The following FSTL5 variants were observed in gnomAD, a reference collection of about 807,000 sequenced individuals.
FSTL5 encodes the protein follistatin like 5, also known as follistatin-related protein 5.
A neutral mutation model predicts 89.1 loss-of-function variants in FSTL5; 62 were observed. That is an observed-to-expected ratio of 0.70 (90% CI 0.57 to 0.86). The LOEUF (loss-of-function observed/expected upper bound fraction) is 0.86. FSTL5 is among the 40% of genes least tolerant of loss of function. The pLI is 0.00. For missense variants in FSTL5, 1,057 were observed against 1,001.6 expected, an observed-to-expected ratio of 1.06 and a Z score of -0.75; for synonymous variants, 383 against 346.2, an observed-to-expected ratio of 1.11 and a Z score of -1.18.
At chr4:161,998,857 A>ACAAC (rs1399304908) in intron 3 of FSTL5, among the ~76,000 whole-genome samples, 1 of 146,474 alleles carries the variant, frequency 6.8e-6, no homozygotes, top group Non-Finnish European at 1.5e-5. Context: ...ACACACACAC[A>ACAAC]ACACACACAC....
intron 4 of FSTL5, among the ~76,000 whole-genome samples, chr4:161,808,679 A>G (rs1730047855): frequency 6.6e-6 from 1 of 152,164 alleles, no homozygotes. Flanking sequence ...ACTGTTCACC[A>G]AAGGACACAA....
Position 161,558,529 on chromosome 4 carries a change from C to T in FSTL5, c.1016-15836G>A, listed in dbSNP as rs1732474709. Among the ~76,000 whole-genome samples, 3 of 149,034 alleles carry T rather than the reference C, an allele frequency of 2.0e-5. No homozygotes were observed. In the South Asian group the frequency reaches 6.3e-4, roughly 31 times the overall value. On this transcript the variant is annotated intron_variant, in intron 8 of 15. Transcript: ENST00000306100. Reference sequence around the variant, plus strand: ...GAGTAGCTCAAAGAAAAATGCCACCCCACTGGAACTCTCAAAATGTTACTC... The same window carrying T: ...GAGTAGCTCAAAGAAAAATGCCACCTCACTGGAACTCTCAAAATGTTACTC...
At chr4:161,467,205 T>C (rs866135681) in intron 13 of FSTL5, among the ~76,000 whole-genome samples, 9 of 152,272 alleles carry the variant, frequency 5.9e-5, no homozygotes, top group South Asian at 2.1e-4. Flanking sequence ...CTATGTATAA[T>C]GTATACCACT....
At chr4:162,028,306 G>A (rs1238270250) in intron 3 of FSTL5, among the ~76,000 whole-genome samples, 1 of 152,142 alleles carries the variant, frequency 6.6e-6, no homozygotes, top group Non-Finnish European at 1.5e-5. Context: ...GCCAGGTGAG[G>A]TGGCTCATGC....
chr4:161,763,615 G>C (rs892631654), intron 5 of FSTL5, among the ~76,000 whole-genome samples: 4 of 152,152 alleles, frequency 2.6e-5, no homozygotes, highest in African/African-American at 9.7e-5. Flanking sequence ...AGACAGGCAA[G>C]AAATAGCAAT....
chr4:161,775,283 T>G (rs904705740), intron 5 of FSTL5, among the ~76,000 whole-genome samples: 1 of 152,148 alleles, frequency 6.6e-6, no homozygotes, highest in Non-Finnish European at 1.5e-5. Context: ...ATTTTTCTGC[T>G]GCCTAATTGG....
At chr4:161,566,379 C>T (rs539732153) in intron 8 of FSTL5, among the ~76,000 whole-genome samples, 3 of 151,802 alleles carry the variant, frequency 2.0e-5, no homozygotes, top group Non-Finnish European at 4.4e-5. Flanking sequence ...TAGATTGATT[C>T]CACATCTTTA....
intron 6 of FSTL5, among the ~76,000 whole-genome samples, chr4:161,691,873 C>A (rs1304971046): frequency 6.6e-6 from 1 of 151,966 alleles, no homozygotes; most frequent in African/African-American, 2.4e-5. Flanking sequence ...TTTTATCCTG[C>A]ATCTATGCTG....
intron 4 of FSTL5, among the ~76,000 whole-genome samples, chr4:161,792,612 G>A (rs1029522906): frequency 1.9e-4 from 29 of 152,112 alleles, no homozygotes; most frequent in Admixed American, 3.9e-4. Context: ...AGCCAAATGT[G>A]AGAAGATGAA....
At chr4:161,791,913 G>T (rs574455804) in intron 4 of FSTL5, among the ~76,000 whole-genome samples, 1 of 152,300 alleles carries the variant, frequency 6.6e-6, no homozygotes, top group South Asian at 2.1e-4. Flanking sequence ...GTGAGGCCGG[G>T]GCTGCGCGCT....
intron 6 of FSTL5, among the ~76,000 whole-genome samples, chr4:161,749,787 G>T (rs1036972422): frequency 1.4e-5 from 2 of 146,440 alleles, no homozygotes; most frequent in Admixed American, 6.7e-5. Flanking sequence ...GCGAGACTCC[G>T]TCAAAAAAAA....
chr4:161,598,769 T>C (rs1734128258), intron 7 of FSTL5, among the ~76,000 whole-genome samples: 1 of 152,088 alleles, frequency 6.6e-6, no homozygotes, highest in Non-Finnish European at 1.5e-5. Context: ...AGCAACTAGA[T>C]AAGTTTAGAC....
At chr4:161,701,806 G>A (rs1398745412) in intron 6 of FSTL5, among the ~76,000 whole-genome samples, 1 of 151,932 alleles carries the variant, frequency 6.6e-6, no homozygotes, top group Admixed American at 6.6e-5. Context: ...GTTTGATTGT[G>A]TATTCAAAAA....
intron 4 of FSTL5, among the ~76,000 whole-genome samples, chr4:161,890,113 T>C (rs904727218): frequency 2.0e-5 from 3 of 152,152 alleles, no homozygotes; most frequent in African/African-American, 7.2e-5. Flanking sequence ...TTTCTATCTG[T>C]GTCAGTGAAT....
chr4:162,049,461 C>A (rs1483848881), intron 2 of FSTL5, among the ~76,000 whole-genome samples: 2 of 152,094 alleles, frequency 1.3e-5, no homozygotes, highest in Non-Finnish European at 2.9e-5. Flanking sequence ...GGTTACAAAC[C>A]AAAAGCATTA....
chr4:161,693,451 T>C (rs181009974), intron 6 of FSTL5, among the ~76,000 whole-genome samples: 2 of 152,194 alleles, frequency 1.3e-5, no homozygotes, highest in Admixed American at 6.5e-5. Context: ...GCATCTGGTG[T>C]TGGCATTTCT....
chr4:161,736,440 C>A (rs1442529374), intron 6 of FSTL5, among the ~76,000 whole-genome samples: 6 of 152,088 alleles, frequency 3.9e-5, no homozygotes, highest in African/African-American at 1.4e-4. Context: ...GCAGTTTTGG[C>A]TCTATTAATG....
At position 162,119,346 on chromosome 4, in the gene FSTL5, AT is replaced by A. The variant is rs1466864371; in HGVS notation, c.-16-7935del. ...ACTGAATACTTCTGGAAGAGGGAAC[AT>A]TTCACTTAAATTTGCTTTAGATCAA... On this transcript the variant is annotated intron_variant, in intron 1 of 15. Transcript: ENST00000306100. Among the ~76,000 whole-genome samples the A allele has an allele frequency of 6.6e-5, 10 of 152,346 alleles. No individual in the cohort carries two copies. In the East Asian group the frequency reaches 1.9e-3, roughly 29 times the overall value.
chr4:161,546,476 A>G (rs1732011952), intron 8 of FSTL5, among the ~76,000 whole-genome samples: 1 of 151,528 alleles, frequency 6.6e-6, no homozygotes, highest in African/African-American at 2.4e-5. Flanking sequence ...ACCAAAGAAA[A>G]AAAGACAAAT....
Sources: gnomAD v4.1 joint callset for allele counts (sites outside exome capture counted in the v4.1 genomes callset) on GRCh38, gnomAD v4.1.1 for gene constraint, MANE v1.5 for transcripts, NCBI Gene and HGNC (gene_info 2026-07-23, HGNC 2026-07-21) for gene names.